The following LRP1B variants were observed in gnomAD, a reference collection of about 807,000 sequenced individuals.
The protein encoded by LRP1B is LDL receptor related protein 1B, also known as low-density lipoprotein receptor-related protein 1B.
Under a neutral mutation model 556.6 loss-of-function variants are expected in LRP1B, and 217 were observed. The observed-to-expected ratio is 0.39, with a 90% CI of 0.35 to 0.44. LRP1B has a LOEUF of 0.44. Ranked by LOEUF, LRP1B falls within the 20% of genes least tolerant of loss-of-function variation. The probability of loss-of-function intolerance (pLI) is 1.00; values close to 1 mark genes in which losing one functional copy is unlikely to be tolerated. For synonymous variants in LRP1B, 2,047 were observed against 1,865.8 expected (o/e 1.10, Z -2.50); for missense variants, 5,053 against 5,620.8 (o/e 0.90, Z 3.23).
chr2:140,604,286 A>T (rs1208410197), intron 41 of LRP1B, among the ~76,000 whole-genome samples: 1 of 151,914 alleles, frequency 6.6e-6, no homozygotes, highest in Admixed American at 6.6e-5. Flanking sequence ...GGGAATTGAG[A>T]TTGGCTAAGC....
intron 7 of LRP1B, among the ~76,000 whole-genome samples, chr2:141,066,526 T>C (rs1007617980): frequency 1.3e-5 from 2 of 151,696 alleles, no homozygotes; most frequent in African/African-American, 4.8e-5. Context: ...AAAGCATGCA[T>C]TTTTTTTAGC....
At chr2:141,035,614 AG>A (rs1194958518) in intron 11 of LRP1B, among the ~76,000 whole-genome samples, 1 of 152,070 alleles carries the variant, frequency 6.6e-6, no homozygotes, top group African/African-American at 2.4e-5. Flanking sequence ...AATAAGGATC[AG>A]ATTTATAGAT....
At chr2:141,199,212 CATCATCA>C (rs1681891960) in intron 6 of LRP1B, among the ~76,000 whole-genome samples, 1 of 152,234 alleles carries the variant, frequency 6.6e-6, no homozygotes, top group African/African-American at 2.4e-5. Flanking sequence ...TTCAGAAATA[CATCATCA>C]ATATCTTTAC....
At chr2:142,072,502 C>T (rs1043984629) in intron 1 of LRP1B, among the ~76,000 whole-genome samples, 1 of 151,962 alleles carries the variant, frequency 6.6e-6, no homozygotes, top group South Asian at 2.1e-4. Context: ...TTGTCCAACC[C>T]CCGGCCCACA....
intron 6 of LRP1B, among the ~76,000 whole-genome samples, 180 bp downstream of exon 6, chr2:141,229,003 T>G (rs2105292599): frequency 6.6e-6 from 1 of 152,330 alleles, no homozygotes; most frequent in African/African-American, 2.4e-5. Context: ...TAGAGAAAGT[T>G]TATGTGTATG....
At chr2:141,907,290 G>A (rs1355447111) in intron 1 of LRP1B, among the ~76,000 whole-genome samples, 1 of 151,692 alleles carries the variant, frequency 6.6e-6, no homozygotes, top group Non-Finnish European at 1.5e-5. Context: ...TCAATTCTCG[G>A]TGATGGCACT....
At chr2:140,545,681 T>C (rs1680306252) in intron 43 of LRP1B, among the ~76,000 whole-genome samples, 1 of 152,130 alleles carries the variant, frequency 6.6e-6, no homozygotes, top group Non-Finnish European at 1.5e-5. Context: ...GTTTGGTTAC[T>C]GTAGCCCTGT....
intron 7 of LRP1B, among the ~76,000 whole-genome samples, chr2:141,154,863 T>C (rs1702026956): frequency 1.3e-5 from 2 of 152,004 alleles, no homozygotes; most frequent in South Asian, 4.1e-4. Context: ...GCCTTCTAAC[T>C]GGTTTCCAGT....
chr2:141,496,582 T>C (rs1235058420), intron 2 of LRP1B, among the ~76,000 whole-genome samples: 1 of 152,082 alleles, frequency 6.6e-6, no homozygotes, highest in Non-Finnish European at 1.5e-5. Context: ...CAGAAGAACA[T>C]GCACACTTAG....
intron 11 of LRP1B, among the ~76,000 whole-genome samples, chr2:141,038,200 G>A (rs1030831759): frequency 3.9e-5 from 6 of 152,096 alleles, no homozygotes; most frequent in Non-Finnish European, 7.4e-5. Context: ...GAGAAACAGA[G>A]AATGCAACAA....
chr2:141,162,203 G>T (rs975482417), intron 7 of LRP1B, among the ~76,000 whole-genome samples: 2 of 152,014 alleles, frequency 1.3e-5, no homozygotes, highest in Admixed American at 1.3e-4. Flanking sequence ...ATATGCTTTT[G>T]TCTCTCTTAT....
At chr2:140,343,531 A>G (rs1284794775) in intron 77 of LRP1B, among the ~76,000 whole-genome samples, 3 of 151,742 alleles carry the variant, frequency 2.0e-5, no homozygotes, top group African/African-American at 7.2e-5. Context: ...AGGATGTTAT[A>G]TACATACTAT....
rs1329236910 is a variant in LRP1B, at chr2:140,576,240, C to G, written c.7194+22391G>C. 3.9e-5 allele frequency among the ~76,000 whole-genome samples: 6 copies of G among 152,270 alleles called. No individual in the cohort carries two copies. In the East Asian group the frequency reaches 9.7e-4, roughly 25 times the overall value. ...GAAGCTTGGGGCACAATTTCTAACT[C>G]TAGACTTTGCTCCACAAAACAATTT... On this transcript the variant is annotated intron_variant, in intron 43 of 90. Coordinates refer to ENST00000389484, the MANE Select transcript of LRP1B (RefSeq NM_018557.3).
intron 1 of LRP1B, among the ~76,000 whole-genome samples, chr2:141,826,833 T>C (rs1188257181): frequency 2.0e-5 from 3 of 152,194 alleles, no homozygotes; most frequent in South Asian, 4.1e-4. Context: ...CCTCCAAATA[T>C]AGAGTCAAAA....
chr2:141,953,584 T>C (rs917490371), intron 1 of LRP1B, among the ~76,000 whole-genome samples: 1 of 152,088 alleles, frequency 6.6e-6, no homozygotes, highest in Admixed American at 6.6e-5. Flanking sequence ...AGGAAATGCA[T>C]ATTAATTTTA....
chr2:140,284,147 A>G (rs773074097), intron 84 of LRP1B, among the ~76,000 whole-genome samples: 8 of 151,764 alleles, frequency 5.3e-5, no homozygotes, highest in Admixed American at 6.6e-5. Flanking sequence ...TCAGCCTGAT[A>G]CAATTAATTA....
At chr2:140,254,178 G>GTATT (rs1229625158) in intron 86 of LRP1B, among the ~76,000 whole-genome samples, 6 of 152,058 alleles carry the variant, frequency 3.9e-5, no homozygotes, top group Admixed American at 3.9e-4. Flanking sequence ...TCAACTGCAG[G>GTATT]TTAATAACTG....
intron 11 of LRP1B, among the ~76,000 whole-genome samples, chr2:141,044,632 A>G (rs1348081264): frequency 2.6e-5 from 4 of 152,014 alleles, no homozygotes; most frequent in African/African-American, 9.7e-5. Context: ...ACACTTCTCA[A>G]AAGAAGACAT....
chr2:141,578,113 C>T (rs768009383), intron 2 of LRP1B, among the ~76,000 whole-genome samples: 10 of 151,970 alleles, frequency 6.6e-5, no homozygotes, highest in Non-Finnish European at 1.0e-4. Flanking sequence ...AGAAATCAGT[C>T]AGCTGGGCGC....
Sources: gnomAD v4.1 joint callset for allele counts (sites outside exome capture counted in the v4.1 genomes callset) on GRCh38, gnomAD v4.1.1 for gene constraint, MANE v1.5 for transcripts, NCBI Gene and HGNC (gene_info 2026-07-23, HGNC 2026-07-21) for gene names.